ATAD2B: variants seen among roughly 807,000 people sequenced by gnomAD.
ATAD2B encodes ATPase family AAA domain-containing protein 2B.
In ATAD2B, 40 loss-of-function variants were observed where a neutral mutation model predicts 167.6. That is an observed-to-expected ratio of 0.24 (90% CI 0.19 to 0.31). The LOEUF is 0.31. ATAD2B is among the 10% of genes least tolerant of loss of function. The probability of loss-of-function intolerance (pLI) is 1.00; values close to 1 mark genes in which losing one functional copy is unlikely to be tolerated. For missense variants in ATAD2B, 1,242 were observed against 1,757.2 expected (o/e 0.71, Z 5.24); for synonymous variants, 579 against 596.5 (o/e 0.97, Z 0.43).
At chr2:23,828,722 T>G in intron 15 of ATAD2B, 127 bp downstream of exon 15, 1 of 578,318 alleles carries the variant, frequency 1.7e-6, no homozygotes, top group South Asian at 2.8e-5. Context: ...CTTTAAAACA[T>G]AAAGGTAGAG....
the ATAD2B span, among the ~76,000 whole-genome samples, chr2:23,736,134 A>G: frequency 2.6e-5 from 4 of 152,366 alleles, no homozygotes; most frequent in Admixed American, 6.5e-5. Context: ...AGAGAATACT[A>G]TTAAAGTAGC....
chr2:23,703,293 T>C, the ATAD2B span: 2 of 1,548,876 alleles, frequency 1.3e-6, no homozygotes, highest in African/African-American at 2.7e-5. Flanking sequence ...TTTGGTGGGG[T>C]GAACGAGGCA....
In ATAD2B at chr2:23,926,640, C is replaced by T. The variant is rs2150757948; in HGVS notation, c.131G>A (p.Arg44His). The stretch of plus-strand genomic sequence containing the variant: ...GCTGGCGGCGCGGGTCTTGGAGGAG[C>T]GGGTCCGAGAGGAGATGAAATGGCT... ...GSSHFISSRT[R>H]SSKTRAASCP... The change falls in exon 1 of 28, where the codon CGC becomes CAC. Residue 44 changes from arginine (R) to histidine (H), a missense_variant. By Grantham distance (29) the Arg-to-His change is conservative. Around this residue, in one of 9 missense-constraint regions of ATAD2B, gnomAD observed 199 missense variants for 194.9 expected, o/e 1.02. Transcript: ENST00000238789. The T allele has an allele frequency of 6.4e-7, 1 of 1,563,604 alleles. No individual in the cohort carries two copies. Among genetic ancestry groups the T allele is most frequent in the Non-Finnish European group, 8.7e-7 (1 of 1,155,074 alleles).
At chr2:23,896,354 T>G (rs1168376713) in intron 1 of ATAD2B, among the ~76,000 whole-genome samples, 1 of 151,996 alleles carries the variant, frequency 6.6e-6, no homozygotes, top group Non-Finnish European at 1.5e-5. Context: ...TTAATATTCT[T>G]GGATAATCAA....
chr2:23,912,810 G>C (rs1702496779), intron 1 of ATAD2B, among the ~76,000 whole-genome samples: 1 of 152,010 alleles, frequency 6.6e-6, no homozygotes, highest in South Asian at 2.1e-4. Flanking sequence ...GGCCAACACA[G>C]TGAAACCCCC....
At chr2:23,834,152 CTTTTTTTTTTTTTTT>C (rs11378615) in intron 13 of ATAD2B, 74 bp from the exon 14 acceptor site, 8 of 117,898 alleles carry the variant, frequency 6.8e-5, no homozygotes, top group Admixed American at 1.7e-4. Flanking sequence ...ATCAGTCTTT[CTTTTTTTTTTTTTTT>C]TTTTTTTTTT....
intron 11 of ATAD2B, among the ~76,000 whole-genome samples, chr2:23,864,294 C>T (rs1220187020): frequency 7.2e-5 from 11 of 152,048 alleles, no homozygotes; most frequent in Admixed American, 3.3e-4. Context: ...CTTGAGCCAC[C>T]GTGCCCAGCC....
At chr2:23,731,759 T>C in the ATAD2B span, among the ~76,000 whole-genome samples, 1 of 152,168 alleles carries the variant, frequency 6.6e-6, no homozygotes, top group African/African-American at 2.4e-5. Context: ...ACTTTGGGAT[T>C]GAGGCCAGAA....
chr2:23,795,131 GTTAT>G (rs1390190239), intron 19 of ATAD2B, among the ~76,000 whole-genome samples: 2 of 140,348 alleles, frequency 1.4e-5, no homozygotes, highest in Non-Finnish European at 3.2e-5. Flanking sequence ...TATAATGATA[GTTAT>G]TTATTATGGA....
intron 8 of ATAD2B, among the ~76,000 whole-genome samples, chr2:23,871,094 C>T (rs1021801155): frequency 6.8e-6 from 1 of 146,780 alleles, no homozygotes; most frequent in African/African-American, 2.5e-5. Flanking sequence ...AGCAGTTCCA[C>T]TAACTAGTAA....
the ATAD2B span, chr2:23,693,196 G>A: frequency 3.4e-6 from 5 of 1,481,102 alleles, no homozygotes; most frequent in Non-Finnish European, 4.5e-6. Context: ...AGGATCTAGG[G>A]TGACAGCAAT....
chr2:23,874,831 C>T (rs555998465), intron 8 of ATAD2B, among the ~76,000 whole-genome samples: 40 of 151,736 alleles, frequency 2.6e-4, no homozygotes, highest in African/African-American at 9.2e-4. Context: ...CCAAGGCAGG[C>T]GGATCAGGAG....
chr2:23,828,801 G>A (rs772109263), intron 15 of ATAD2B, 48 bp downstream of exon 15: 1 of 1,218,790 alleles, frequency 8.2e-7, no homozygotes, highest in Non-Finnish European at 1.2e-6. Flanking sequence ...AAGGGAGGTT[G>A]AGCAGAACAA....
chr2:23,915,472 TA>T (rs925663731), intron 1 of ATAD2B, among the ~76,000 whole-genome samples: 2 of 147,286 alleles, frequency 1.4e-5, no homozygotes, highest in Non-Finnish European at 1.5e-5. Flanking sequence ...ACTCACTATT[TA>T]AAAAAAAAGC....
chr2:23,879,907 A>T (rs756318119), intron 7 of ATAD2B, among the ~76,000 whole-genome samples: 6 of 152,060 alleles, frequency 3.9e-5, no homozygotes, highest in Admixed American at 6.6e-5. Context: ...AAAATATAAA[A>T]ATTAGCCAGA....
At chr2:23,801,543 A>C (rs1187592798) in intron 18 of ATAD2B, among the ~76,000 whole-genome samples, 1 of 152,040 alleles carries the variant, frequency 6.6e-6, no homozygotes, top group Non-Finnish European at 1.5e-5. Flanking sequence ...TACTGAACCA[A>C]CCGTTTCAAA....
intron 8 of ATAD2B, among the ~76,000 whole-genome samples, chr2:23,872,098 G>C (rs1033774349): frequency 9.9e-5 from 15 of 152,088 alleles, no homozygotes; most frequent in African/African-American, 3.6e-4. Context: ...GACTGGTCTT[G>C]AACTCCTGAC....
chr2:23,805,553 TC>T (rs1436948045), intron 18 of ATAD2B, among the ~76,000 whole-genome samples: 7 of 152,184 alleles, frequency 4.6e-5, no homozygotes, highest in Non-Finnish European at 1.0e-4. Flanking sequence ...GTGACAAATA[TC>T]CTTGTTCATT....
At chr2:23,801,199 C>A (rs1166717105) in intron 18 of ATAD2B, among the ~76,000 whole-genome samples, 1 of 151,630 alleles carries the variant, frequency 6.6e-6, no homozygotes, top group Non-Finnish European at 1.5e-5. Flanking sequence ...TTGAGAATAG[C>A]ATTTAAAAAT....
Sources: gnomAD v4.1 joint callset for allele counts (sites outside exome capture counted in the v4.1 genomes callset) on GRCh38, gnomAD v4.1.1 for gene constraint, gnomAD v4.1.1 regional missense constraint, MANE v1.5 for transcripts, NCBI Gene and HGNC (gene_info 2026-07-23, HGNC 2026-07-21) for gene names.